The following CHM variants were observed in gnomAD, a reference collection of about 807,000 sequenced individuals.
CHM encodes CHM Rab escort protein, also known as rab proteins geranylgeranyltransferase component A 1.
CHM carries 10 observed loss-of-function variants against 49.0 expected under a neutral mutation model. The observed-to-expected ratio is 0.20, with a 90% CI of 0.13 to 0.35. The LOEUF (loss-of-function observed/expected upper bound fraction) is 0.35. Among genes scored for constraint, CHM ranks in the 10% least tolerant of loss-of-function variants. The pLI, the probability that CHM is intolerant of heterozygous loss-of-function variation, is 1.00. For missense variants in CHM, 455 were observed against 478.4 expected (o/e 0.95, Z 0.46); for synonymous variants, 184 against 167.5 (o/e 1.10, Z -0.76).
intron 2 of CHM, among the ~76,000 whole-genome samples, chrX:86,020,862 TTATA>T (rs981354833): frequency 4.9e-5 from 5 of 101,696 alleles, no homozygotes; most frequent in Non-Finnish European, 7.9e-5. Context: ...TATATCATAT[TTATA>T]TATATTTATC....
At chrX:85,960,670 C>G (rs1423539250) in intron 5 of CHM, among the ~76,000 whole-genome samples, 1 of 110,850 alleles carries the variant, frequency 9.0e-6, no homozygotes, top group African/African-American at 3.3e-5. Context: ...AGGTGATCCG[C>G]CCGCTTCAGC....
At chrX:85,923,226 T>C (rs950522251) in intron 8 of CHM, among the ~76,000 whole-genome samples, 1 of 112,544 alleles carries the variant, frequency 8.9e-6, no homozygotes, top group African/African-American at 3.2e-5. Context: ...ATCTATTGCA[T>C]AGACTTGCCA....
At chrX:86,018,242 A>C (rs1933390600) in intron 2 of CHM, among the ~76,000 whole-genome samples, 1 of 112,703 alleles carries the variant, frequency 8.9e-6, no homozygotes, top group African/African-American at 3.2e-5. Flanking sequence ...AAGACATTTT[A>C]TCATAAAAGA....
At chrX:85,970,939 CT>C in intron 4 of CHM, 1 of 732,513 alleles carries the variant, frequency 1.4e-6, no homozygotes, top group Non-Finnish European at 1.6e-6. Context: ...ACATTTTAGT[CT>C]TTAGCCTGTT....
intron 2 of CHM, among the ~76,000 whole-genome samples, chrX:85,996,252 A>G (rs1482602826): frequency 8.9e-6 from 1 of 112,480 alleles, no homozygotes; most frequent in African/African-American, 3.2e-5. Flanking sequence ...ATAATTGAGC[A>G]TCTATACAAA....
Position 85,862,970 on chromosome X carries a change from T to C in CHM, c.*1660A>G, listed in dbSNP as rs1923450773. The C allele has an allele frequency of 8.9e-6, 1 of 112,257 alleles. No homozygotes were observed. Among genetic ancestry groups the C allele is most frequent in the South Asian group, 3.7e-4 (1 of 2,695 alleles). The allele number at this position is 112,257 out of a possible 1,213,427, so 9.3% of individuals were successfully genotyped here. A position where few individuals can be genotyped will look rare whatever the true frequency, so the allele number is the denominator to read the frequency against. ...AACAAATAGTTCATTTGTTTGTTTA[T>C]TTATAGGCAATTATAAGTCTCAACT... On this transcript the variant is annotated 3_prime_UTR_variant, in exon 15 of 15. Coordinates refer to ENST00000357749, the MANE Select transcript of CHM (RefSeq NM_000390.4).
chrX:86,029,472 C>T (rs1194720799), intron 1 of CHM, among the ~76,000 whole-genome samples: 1 of 111,603 alleles, frequency 9.0e-6, no homozygotes, highest in African/African-American at 3.3e-5. Flanking sequence ...GCATTAATAA[C>T]AATGCCACCA....
At chrX:85,954,915 T>C (rs1449170710) in intron 8 of CHM, among the ~76,000 whole-genome samples, 1 of 95,798 alleles carries the variant, frequency 1.0e-5, no homozygotes, top group African/African-American at 3.9e-5. Flanking sequence ...AACAAAAGAA[T>C]GAGACCCTGA....
chrX:86,022,252 T>C (rs1412801728), intron 2 of CHM, among the ~76,000 whole-genome samples: 1 of 112,019 alleles, frequency 8.9e-6, no homozygotes, highest in African/African-American at 3.2e-5. Context: ...AACACAGATA[T>C]ATGGTATAAT....
intron 9 of CHM, among the ~76,000 whole-genome samples, chrX:85,903,306 AG>A (rs1292895575): frequency 9.0e-6 from 1 of 111,054 alleles, no homozygotes; most frequent in African/African-American, 3.3e-5. Flanking sequence ...AAACTGGGGG[AG>A]GGGGTCAGTG....
chrX:85,917,211 C>G (rs1927507241), intron 8 of CHM, among the ~76,000 whole-genome samples: 1 of 111,336 alleles, frequency 9.0e-6, no homozygotes, highest in African/African-American at 3.3e-5. Context: ...CCAAATACTA[C>G]TTGTTGTCAC....
intron 2 of CHM, among the ~76,000 whole-genome samples, chrX:86,019,149 T>C (rs760020183): frequency 8.9e-6 from 1 of 111,830 alleles, no homozygotes; most frequent in Non-Finnish European, 1.9e-5. Flanking sequence ...GTCATTTGCA[T>C]GTTCTGTCAT....
chrX:85,907,378 T>C (rs1287406772), intron 9 of CHM, among the ~76,000 whole-genome samples: 1 of 111,702 alleles, frequency 9.0e-6, no homozygotes, highest in Non-Finnish European at 1.9e-5. Context: ...ACTATACTAC[T>C]AAATGGCCAG....
intron 8 of CHM, among the ~76,000 whole-genome samples, chrX:85,918,983 C>G (rs1384802062): frequency 9.0e-6 from 1 of 111,112 alleles, no homozygotes; most frequent in East Asian, 2.8e-4. Context: ...GAAAAATAAC[C>G]AAGATATTGA....
At chrX:85,943,049 TG>T (rs1426563326) in intron 8 of CHM, among the ~76,000 whole-genome samples, 1 of 108,477 alleles carries the variant, frequency 9.2e-6, no homozygotes, top group African/African-American at 3.4e-5. Flanking sequence ...CTGAGAACGA[TG>T]GTTTCCAGCT....
rs771944150 is a variant in CHM, at chrX:85,894,213, T to C, written c.1485A>G (p.Ser495=). The C allele has an allele frequency of 2.2e-5, 27 of 1,207,633 alleles. No individual in the cohort carries two copies. In the South Asian group the frequency reaches 4.6e-4, roughly 20 times the overall value. ...AGGTGCCTTTCATGCATGTCATCGTTGAAGAACATAACTCAATGACCCGAA... is the reference window on the plus strand; with the variant it reads ...AGGTGCCTTTCATGCATGTCATCGTCGAAGAACATAACTCAATGACCCGAA... ...FAVRVIELCS[S]TMTCMKGTYL... Residue 495 remains serine (S), a synonymous_variant, in exon 12 of 15, where the codon TCA becomes TCG. Coordinates refer to ENST00000357749, the MANE Select transcript of CHM (RefSeq NM_000390.4).
Position 85,978,887 on chromosome X carries a change from T to C in CHM, c.194A>G (p.Asn65Ser). 1 of 1,204,410 alleles carries C rather than the reference T, an allele frequency of 8.3e-7. No individual in the cohort carries two copies. The highest frequency in any genetic ancestry group is 1.1e-6 in the Non-Finnish European group (1 of 890,473). ...TGGACTGTCACTTACAATGTCACTG[T>C]TTTCCTAAACAAAACACAGATAAGA... Reference protein sequence around the residue: ...LLSWLKEYQENSDIVSDSPVW... With the variant: ...LLSWLKEYQESSDIVSDSPVW... Residue 65 changes from asparagine to serine, a missense_variant, in exon 4 of 15, where the codon AAC (asparagine) becomes AGC (serine). Asn to Ser is a conservative substitution (Grantham distance 46). Coordinates refer to ENST00000357749, the MANE Select transcript of CHM (RefSeq NM_000390.4).
intron 8 of CHM, among the ~76,000 whole-genome samples, chrX:85,948,187 G>C (rs1305629925): frequency 2.7e-5 from 3 of 112,012 alleles, no homozygotes; most frequent in Admixed American, 9.5e-5. Flanking sequence ...TAGTTATAAA[G>C]GCTACTATGT....
At chrX:86,007,040 T>A (rs958439398) in intron 2 of CHM, among the ~76,000 whole-genome samples, 5 of 111,754 alleles carry the variant, frequency 4.5e-5, no homozygotes, top group African/African-American at 1.6e-4. Context: ...CAAAACAGCA[T>A]GGCACTGGTA....
Sources: allele counts gnomAD v4.1 joint callset (sites outside exome capture counted in the v4.1 genomes callset), GRCh38; gene constraint gnomAD v4.1.1; transcripts MANE v1.5; gene names NCBI Gene and HGNC (gene_info 2026-07-23, HGNC 2026-07-21).